SAMD4A: variants seen among roughly 807,000 people sequenced by gnomAD.
SAMD4A encodes the protein protein Smaug homolog 1.
In SAMD4A, 33 loss-of-function variants were observed where a neutral mutation model predicts 81.3. That is an observed-to-expected ratio of 0.41 (90% CI 0.31 to 0.54). The LOEUF (loss-of-function observed/expected upper bound fraction) is 0.54, where lower values mean the gene tolerates loss of function less well. Ranked by LOEUF, SAMD4A falls within the 20% of genes least tolerant of loss-of-function variation. The pLI, the probability that SAMD4A is intolerant of heterozygous loss-of-function variation, is 0.37. For missense variants in SAMD4A, 854 were observed against 951.1 expected (o/e 0.90, Z 1.34); for synonymous variants, 389 against 382.1 (o/e 1.02, Z -0.21).
intron 11 of SAMD4A, among the ~76,000 whole-genome samples, chr14:54,782,395 T>C (rs2039020131): frequency 1.3e-5 from 2 of 152,198 alleles, no homozygotes; most frequent in African/African-American, 4.8e-5. Flanking sequence ...TTTATAGATT[T>C]CACACCCTGA....
intron 3 of SAMD4A, among the ~76,000 whole-genome samples, chr14:54,723,390 A>C (rs2037313694): frequency 6.6e-6 from 1 of 152,186 alleles, no homozygotes; most frequent in African/African-American, 2.4e-5. Flanking sequence ...GGAATAGCCA[A>C]CTTGCAGACA....
chr14:54,728,639 C>A (rs563196646), intron 3 of SAMD4A, among the ~76,000 whole-genome samples: 52 of 152,194 alleles, frequency 3.4e-4, no homozygotes, highest in African/African-American at 1.2e-3. Context: ...CAGTAAATTG[C>A]CCTCCTCACT....
chr14:54,658,618 G>T (rs1169082638), intron 2 of SAMD4A, among the ~76,000 whole-genome samples: 1 of 152,144 alleles, frequency 6.6e-6, no homozygotes, highest in Non-Finnish European at 1.5e-5. Context: ...TGCAACAGGA[G>T]CCTCTTCCTT....
intron 12 of SAMD4A, among the ~76,000 whole-genome samples, chr14:54,787,043 A>T (rs1341293479): frequency 1.3e-5 from 2 of 152,160 alleles, no homozygotes; most frequent in Non-Finnish European, 2.9e-5. Flanking sequence ...CTGCTGGCCA[A>T]CCCCTTCCAG....
chr14:54,748,648 C>T (rs1376008140), intron 4 of SAMD4A, among the ~76,000 whole-genome samples, 167 bp from the exon 5 acceptor site: 1 of 152,212 alleles, frequency 6.6e-6, no homozygotes, highest in Admixed American at 6.5e-5. Context: ...CCTGAGACTT[C>T]TGCATCTCAG....
At chr14:54,788,873 G>C (rs372606523) in intron 12 of SAMD4A, 43 bp from the exon 13 acceptor site, 80 of 1,613,894 alleles carry the variant, frequency 5.0e-5, no homozygotes, top group Non-Finnish European at 6.4e-5. Context: ...GAACTGGATT[G>C]TTTTGCTCAC....
At chr14:54,570,682 A>G (rs2033104131) in intron 2 of SAMD4A, among the ~76,000 whole-genome samples, 1 of 152,216 alleles carries the variant, frequency 6.6e-6, no homozygotes, top group Non-Finnish European at 1.5e-5. Context: ...AACATAAACA[A>G]ATAATTGCTA....
At chr14:54,640,872 C>T (rs2035159098) in intron 2 of SAMD4A, among the ~76,000 whole-genome samples, 1 of 152,178 alleles carries the variant, frequency 6.6e-6, no homozygotes, top group Admixed American at 6.5e-5. Flanking sequence ...CTGGCCTTCC[C>T]CTTACACACA....
At chr14:54,638,947 G>C (rs1244788309) in intron 2 of SAMD4A, among the ~76,000 whole-genome samples, 1 of 152,064 alleles carries the variant, frequency 6.6e-6, no homozygotes, top group Non-Finnish European at 1.5e-5. Context: ...TTTGCTTCTT[G>C]GCATTTATTA....
At chr14:54,691,139 A>G (rs182264276) in intron 2 of SAMD4A, among the ~76,000 whole-genome samples, 13 of 152,130 alleles carry the variant, frequency 8.5e-5, no homozygotes, top group African/African-American at 3.1e-4. Context: ...TCTCCGTCCT[A>G]CTGGGCCTTT....
intron 2 of SAMD4A, among the ~76,000 whole-genome samples, chr14:54,611,322 G>C (rs1231911057): frequency 6.6e-6 from 1 of 152,118 alleles, no homozygotes; most frequent in Non-Finnish European, 1.5e-5. Context: ...CAGCTTGACA[G>C]AGCGCTTCAT....
At chr14:54,696,749 T>G (rs959253199) in intron 2 of SAMD4A, 12 of 152,248 alleles carry the variant, frequency 7.9e-5, no homozygotes, top group African/African-American at 2.9e-4. Flanking sequence ...TTTTTACTAC[T>G]CCTATGTCAC....
chr14:54,785,630 G>A (rs1313313218), intron 12 of SAMD4A, among the ~76,000 whole-genome samples: 4 of 152,202 alleles, frequency 2.6e-5, no homozygotes, highest in African/African-American at 4.8e-5. Flanking sequence ...GAGCCAAGAC[G>A]TGCGCCACCT....
At chr14:54,751,717 A>G (rs2295822) in intron 6 of SAMD4A, among the ~76,000 whole-genome samples, 180 bp downstream of exon 6, 133,815 of 152,288 alleles carry the variant, frequency 0.88, 58,953 homozygotes, top group African/African-American at 0.94. Context: ...TGCTTCTTTG[A>G]AAGCTGATGC....
chr14:54,602,414 G>A (rs540027518), intron 2 of SAMD4A, among the ~76,000 whole-genome samples: 17 of 151,140 alleles, frequency 1.1e-4, no homozygotes, highest in Admixed American at 9.2e-4. Context: ...TTTCAGGGAT[G>A]AAGATACTTC....
intron 11 of SAMD4A, chr14:54,784,313 C>A: frequency 1.3e-6 from 2 of 1,518,304 alleles, no homozygotes; most frequent in African/African-American, 1.4e-5. Flanking sequence ...ACATGACCAG[C>A]TATTTTTAGT....
At chr14:54,724,091 C>T (rs918271683) in intron 3 of SAMD4A, among the ~76,000 whole-genome samples, 1 of 150,672 alleles carries the variant, frequency 6.6e-6, no homozygotes, top group Non-Finnish European at 1.5e-5. Context: ...CCCACAGCAA[C>T]CCCGGTAGGT....
At position 54,788,894 on chromosome 14, in the gene SAMD4A, C is replaced by T. The variant is rs2039208594; in HGVS notation, c.2129-22C>T. On this transcript the variant is annotated intron_variant, in intron 12 of 12. Transcript: ENST00000554335. ...GATTGTTTTGCTCACCTGTGCCCAT[C>T]GTTTGCTGCTTTCTCTCCCAGACGG... 5 of 1,614,082 alleles carry T rather than the reference C, an allele frequency of 3.1e-6. No homozygotes were observed. In the African/African-American group the frequency reaches 4.0e-5, roughly 13 times the overall value.
chr14:54,677,533 C>T (rs980826089), intron 2 of SAMD4A, among the ~76,000 whole-genome samples: 2 of 152,198 alleles, frequency 1.3e-5, no homozygotes, highest in African/African-American at 4.8e-5. Context: ...TGACTCATTC[C>T]TGGCATTTCA....
Sources: gnomAD v4.1 joint callset for allele counts (sites outside exome capture counted in the v4.1 genomes callset) on GRCh38, gnomAD v4.1.1 for gene constraint, MANE v1.5 for transcripts, NCBI Gene and HGNC (gene_info 2026-07-23, HGNC 2026-07-21) for gene names.